ZC3HAV1: variants seen among roughly 807,000 people sequenced by gnomAD.
The protein encoded by ZC3HAV1 is zinc finger CCCH-type containing, antiviral 1.
Under a neutral mutation model 86.6 loss-of-function variants are expected in ZC3HAV1, and 41 were observed. That is an observed-to-expected ratio of 0.47 (90% CI 0.37 to 0.61). The LOEUF (loss-of-function observed/expected upper bound fraction) is 0.61, where lower values mean the gene tolerates loss of function less well. Ranked by LOEUF, ZC3HAV1 falls within the 20% of genes least tolerant of loss-of-function variation. ZC3HAV1 has a pLI of 0.00. For synonymous variants in ZC3HAV1, 421 were observed against 432.1 expected (o/e 0.97, Z 0.32); for missense variants, 964 against 1,141.1 (o/e 0.84, Z 2.24).
Position 139,044,259 on chromosome 7 carries a change from T to C in ZC3HAV1, c.*3335A>G, listed in dbSNP as rs1205296561. The C allele has an allele frequency of 6.6e-6, 1 of 152,220 alleles. No individual in the cohort carries two copies. The highest frequency in any genetic ancestry group is 1.5e-5 in the Non-Finnish European group (1 of 68,046). 9.4% of individuals were successfully genotyped at this position (152,220 alleles called of 1,614,324 possible). On this transcript the variant is annotated 3_prime_UTR_variant, in exon 13 of 13. Transcript: ENST00000242351. ...TTTGTCTTTACCCTAACACTGGTTT[T>C]CATTCTAGTGTCCCCCACCCGTCTA...
intron 1 of ZC3HAV1, among the ~76,000 whole-genome samples, chr7:139,093,093 C>T (rs1462305724): frequency 6.6e-6 from 1 of 152,048 alleles, no homozygotes; most frequent in Non-Finnish European, 1.5e-5. Flanking sequence ...GGAACTTTAC[C>T]TATGTTATTT....
At position 139,074,122 on chromosome 7, in the gene ZC3HAV1, T is replaced by C. The variant is rs1816865195; in HGVS notation, c.1698-92A>G. On this transcript the variant is annotated intron_variant, in intron 6 of 12. Coordinates refer to ENST00000242351, the MANE Select transcript of ZC3HAV1 (RefSeq NM_020119.4). ...CCCTAATGAGAGCACAGAATTAAAC[T>C]TTCAGGGCTAAAATAGATCTTCAAG... 2 of 1,271,728 alleles carry C rather than the reference T, an allele frequency of 1.6e-6. No homozygotes were observed. Among genetic ancestry groups the C allele is most frequent in the African/African-American group, 1.5e-5 (1 of 66,028 alleles). The allele number at this position is 1,271,728 out of a possible 1,614,324, so 78.8% of individuals were successfully genotyped here. A position where few individuals can be genotyped will look rare whatever the true frequency, so the allele number is the denominator to read the frequency against.
intron 12 of ZC3HAV1, among the ~76,000 whole-genome samples, chr7:139,052,981 T>G (rs145950555): frequency 4.7e-4 from 71 of 152,044 alleles, no homozygotes; most frequent in African/African-American, 1.6e-3. Flanking sequence ...TATAAAGATT[T>G]TGTGTGTGGG....
chr7:139,051,799 G>T (rs1025838766), intron 12 of ZC3HAV1, among the ~76,000 whole-genome samples: 1 of 152,128 alleles, frequency 6.6e-6, no homozygotes, highest in African/African-American at 2.4e-5. Flanking sequence ...TCACCACTGT[G>T]TACCCACCAT....
At position 139,046,735 on chromosome 7, in the gene ZC3HAV1, T is replaced by C. The variant is rs1815964649; in HGVS notation, c.*859A>G. On this transcript the variant is annotated 3_prime_UTR_variant, in exon 13 of 13. Coordinates refer to ENST00000242351, the MANE Select transcript of ZC3HAV1 (RefSeq NM_020119.4). ...CATGTCTGCAATAGCACTTCAATTT[T>C]ACTTTTTTTTCCCCTAGCATGTCCT... The C allele has an allele frequency of 6.6e-6, 1 of 151,336 alleles. No homozygotes were observed. The highest frequency in any genetic ancestry group is 2.1e-4 in the South Asian group (1 of 4,834). 9.4% of individuals were successfully genotyped at this position (151,336 alleles called of 1,614,324 possible). A position where few individuals can be genotyped will look rare whatever the true frequency, so the allele number is the denominator to read the frequency against.
intron 2 of ZC3HAV1, 63 bp downstream of exon 2, chr7:139,089,561 A>T: frequency 1.3e-6 from 2 of 1,496,618 alleles, no homozygotes; most frequent in South Asian, 2.7e-5. Context: ...CTACTCCAAA[A>T]TATCTGTGAC....
At chr7:139,097,428 A>ATATATATATAT in intron 1 of ZC3HAV1, among the ~76,000 whole-genome samples, 1 of 48,160 alleles carries the variant, frequency 2.1e-5, no homozygotes, top group African/African-American at 1.1e-4. Flanking sequence ...ATATATATAT[A>ATATATATATAT]TTTTTTTTTT....
intron 1 of ZC3HAV1, among the ~76,000 whole-genome samples, chr7:139,094,470 G>A (rs1230883938): frequency 2.0e-5 from 3 of 150,466 alleles, no homozygotes; most frequent in Admixed American, 6.6e-5. Flanking sequence ...AAACAAAGAG[G>A]GCGAGTTGCA....
intron 7 of ZC3HAV1, among the ~76,000 whole-genome samples, chr7:139,073,087 G>A (rs1292800577): frequency 6.6e-6 from 1 of 152,126 alleles, no homozygotes. Flanking sequence ...CCTGAGGTCA[G>A]GAGTTCACGA....
rs368256537 is a variant in ZC3HAV1 at position 139,073,587 on chromosome 7, T to C, written c.1872+269A>G. Among the ~76,000 whole-genome samples the C allele has an allele frequency of 2.0e-3, 299 of 152,052 alleles. 2 individuals carry two copies. The highest frequency in any genetic ancestry group is 6.6e-3 in the African/African-American group (273 of 41,490). Reference sequence around the variant, plus strand: ...CTCACTACAACCTCCACCTCCCGGGTTCAAGAGATTCTCCTGCCTCAGCCT... The same window carrying C: ...CTCACTACAACCTCCACCTCCCGGGCTCAAGAGATTCTCCTGCCTCAGCCT... On this transcript the variant is annotated intron_variant, in intron 7 of 12. Transcript: ENST00000242351.
At chr7:139,065,599 G>A (rs991472575) in intron 7 of ZC3HAV1, among the ~76,000 whole-genome samples, 7 of 152,144 alleles carry the variant, frequency 4.6e-5, no homozygotes, top group Admixed American at 4.6e-4. Flanking sequence ...GCCACTAACT[G>A]GAGCTATAAT....
chr7:139,052,273 T>G, intron 12 of ZC3HAV1, among the ~76,000 whole-genome samples: 1 of 81,536 alleles, frequency 1.2e-5, no homozygotes, highest in African/African-American at 4.9e-5. Flanking sequence ...ATGCTATCCC[T>G]CCCCCCACCC....
rs746011298 is a variant in ZC3HAV1, at chr7:139,109,206, C to T, written c.126G>A (p.Gln42=). ...CCACAAAGCGGTCGGGCCCGGCCAC[C>T]TGCAGCACCTCACAGAGCTGCGGCT... ...LSEPQLCEVL[Q]VAGPDRFVVL... Residue 42 remains glutamine, a synonymous_variant, in exon 1 of 13, where the codon CAG becomes CAA. Transcript: ENST00000242351. The T allele has an allele frequency of 2.2e-5, 36 of 1,608,826 alleles. No individual in the cohort carries two copies. The highest frequency in any genetic ancestry group is 2.0e-4 in the South Asian group (18 of 90,234).
Position 139,053,593 on chromosome 7 carries a change from G to A in ZC3HAV1, c.2319-12C>T, listed in dbSNP as rs755967937. On this transcript the variant is annotated splice_polypyrimidine_tract_variant and intron_variant, in intron 11 of 12. Transcript: ENST00000242351. Reference sequence around the variant, plus strand: ...TCTGCGATTTCTTCCTAATATAAGAGATGTGAGACTTAACACGGAGACATC... The same window carrying A: ...TCTGCGATTTCTTCCTAATATAAGAAATGTGAGACTTAACACGGAGACATC... 2.0e-5 allele frequency: 31 copies of A among 1,579,964 alleles called. No homozygotes were observed. In the South Asian group the frequency reaches 3.3e-4, roughly 17 times the overall value.
chr7:139,101,302 C>G (rs1817754464), intron 1 of ZC3HAV1, among the ~76,000 whole-genome samples: 1 of 146,990 alleles, frequency 6.8e-6, no homozygotes, highest in South Asian at 2.2e-4. Context: ...GCCTGGCCGC[C>G]CATCGTCTGG....
At chr7:139,055,644 C>T (rs934621081) in intron 9 of ZC3HAV1, among the ~76,000 whole-genome samples, 10 of 152,062 alleles carry the variant, frequency 6.6e-5, no homozygotes, top group African/African-American at 2.4e-4. Context: ...AAAGGATAAA[C>T]GATTAAATAT....
At chr7:139,050,783 C>T (rs1323962306) in intron 12 of ZC3HAV1, among the ~76,000 whole-genome samples, 1 of 152,232 alleles carries the variant, frequency 6.6e-6, no homozygotes, top group Non-Finnish European at 1.5e-5. Flanking sequence ...ATGGTTACTA[C>T]ATTTCCCATT....
chr7:139,070,193 C>T (rs1816727226), intron 7 of ZC3HAV1, among the ~76,000 whole-genome samples: 1 of 151,962 alleles, frequency 6.6e-6, no homozygotes, highest in African/African-American at 2.4e-5. Context: ...CTTCAGTGAA[C>T]ATCCAACAAA....
At chr7:139,100,562 AAAC>A (rs1426836491) in intron 1 of ZC3HAV1, among the ~76,000 whole-genome samples, 1 of 151,900 alleles carries the variant, frequency 6.6e-6, no homozygotes, top group Non-Finnish European at 1.5e-5. Context: ...AAACAAAAAC[AAAC>A]AAAAAAAACC....
Sources: allele counts gnomAD v4.1 joint callset (sites outside exome capture counted in the v4.1 genomes callset), GRCh38; gene constraint gnomAD v4.1.1; transcripts MANE v1.5; gene names NCBI Gene and HGNC (gene_info 2026-07-23, HGNC 2026-07-21).